Variants in ARAP3 observed in about 807,000 individuals in gnomAD.
ARAP3 encodes the protein ArfGAP with RhoGAP domain, ankyrin repeat and PH domain 3.
In ARAP3, 82 loss-of-function variants were observed where a neutral mutation model predicts 169.2. The ratio of observed to expected loss-of-function variants is 0.48; its 90% CI spans 0.41 to 0.58. The LOEUF is 0.58. ARAP3 is among the 20% of genes least tolerant of loss of function. ARAP3 has a pLI of 0.00. For synonymous variants in ARAP3, 791 were observed against 800.3 expected (o/e 0.99, Z 0.20); for missense variants, 1,764 against 2,018.0 (o/e 0.87, Z 2.41).
chr5:141,670,513 A>C lies in ARAP3; in HGVS notation c.2106T>G (p.Asp702Glu), dbSNP rs1157144742. The change falls in exon 14 of 33, where the codon GAT becomes GAG. Residue 702 changes from aspartate (D) to glutamate (E), a missense_variant and splice_region_variant. Transcript: ENST00000239440. ...AGPSPPRRGR[D>E]APPRLWCVLG... is the part of the protein sequence containing the mutation. ...TCCCATCCCTTGGCTCCCCCTCACCATCCCGGCCCCTGCGAGGGGGTGAGG... is the reference window on the plus strand; with the variant it reads ...TCCCATCCCTTGGCTCCCCCTCACCCTCCCGGCCCCTGCGAGGGGGTGAGG... 7 of 1,613,240 alleles carry C rather than the reference A, an allele frequency of 4.3e-6. No individual in the cohort carries two copies. In the South Asian group the frequency reaches 6.6e-5, roughly 15 times the overall value.
At chr5:141,659,701 G>A in intron 22 of ARAP3, 78 bp downstream of exon 22, 1 of 1,550,476 alleles carries the variant, frequency 6.4e-7, no homozygotes, top group South Asian at 1.2e-5. Flanking sequence ...GCTTGTTGGG[G>A]TGATCAGGAT....
chr5:141,676,061 A>G (rs531784159), intron 4 of ARAP3, among the ~76,000 whole-genome samples: 7 of 152,264 alleles, frequency 4.6e-5, no homozygotes, highest in African/African-American at 1.4e-4. Flanking sequence ...CATTGCATCC[A>G]ATAAAAAACT....
intron 24 of ARAP3, 21 bp downstream of exon 24, chr5:141,658,558 T>G (rs2099909526): frequency 6.2e-7 from 1 of 1,613,818 alleles, no homozygotes; most frequent in South Asian, 1.1e-5. Context: ...TTATTTCCCC[T>G]CCAGTCCCCT....
intron 32 of ARAP3, 78 bp from the exon 33 acceptor site, chr5:141,654,513 C>T: frequency 9.3e-6 from 14 of 1,499,402 alleles, no homozygotes; most frequent in Non-Finnish European, 1.2e-5. Flanking sequence ...TTACTGAGCT[C>T]TTCCTCTGGG....
Position 141,670,047 on chromosome 5 carries a change from C to T in ARAP3, c.2124G>A (p.Trp708Ter). 1 of 1,595,764 alleles carries T rather than the reference C, an allele frequency of 6.3e-7. No individual in the cohort carries two copies. Among genetic ancestry groups the T allele is most frequent in the Non-Finnish European group, 8.5e-7 (1 of 1,175,512 alleles). Reference sequence around the variant, plus strand: ...TTTCCAGAGCTGCTCCCAGCACACACCAAAGGCGCGGGGGAGCTAAGGCAG... The same window carrying T: ...TTTCCAGAGCTGCTCCCAGCACACATCAAAGGCGCGGGGGAGCTAAGGCAG... The part of the protein sequence containing the change: ...RRGRDAPPRL[W>*]CVLGAALEMF... The change falls in exon 15 of 33, where the codon TGG becomes TGA. Residue 708 changes from tryptophan (W) to a stop codon, truncating the protein, a stop_gained. Transcript: ENST00000239440. LOFTEE classifies it high-confidence loss of function.
Position 141,680,401 on chromosome 5 carries a change from C to G in ARAP3, c.86G>C (p.Gly29Ala). ...CCGGGCTGCACCTGCTGTAGCCAGG[C>G]CATGCCGTCGGAACGTGTCTGCATA... ...EQYADTFRRH[G>A]LATAGAARGL... The change falls in exon 2 of 33, where the codon GGC becomes GCC. Residue 29 changes from glycine to alanine, a missense_variant. By Grantham distance (60) the Gly-to-Ala change is moderately conservative (BLOSUM62 0). Around this residue, in one of 3 missense-constraint regions of ARAP3, gnomAD observed 630 missense variants for 678.7 expected, o/e 0.93. Coordinates refer to ENST00000239440, the MANE Select transcript of ARAP3 (RefSeq NM_022481.6). The G allele has an allele frequency of 6.2e-7, 1 of 1,613,986 alleles. No homozygotes were observed. Among genetic ancestry groups the G allele is most frequent in the Non-Finnish European group, 8.5e-7 (1 of 1,180,046 alleles).
Position 141,660,289 on chromosome 5 carries a change from G to A in ARAP3, c.3120-363C>T, listed in dbSNP as rs1472335315. On this transcript the variant is annotated intron_variant, in intron 21 of 32. Transcript: ENST00000239440. Reference sequence around the variant, plus strand: ...AGGCGGATCACGAGGTCAGGAGATCGAGACCATCCTGGCTAACACGGTGAA... The same window carrying A: ...AGGCGGATCACGAGGTCAGGAGATCAAGACCATCCTGGCTAACACGGTGAA... 7.2e-5 allele frequency among the ~76,000 whole-genome samples: 11 copies of A among 152,068 alleles called. No individual in the cohort carries two copies. The East Asian group carries it at 9.7e-4, about 13-fold the overall frequency.
chr5:141,672,191 C>G lies in ARAP3; in HGVS notation c.1496G>C (p.Arg499Pro), dbSNP rs141117484. 42 of 1,614,184 alleles carry G rather than the reference C, an allele frequency of 2.6e-5. No individual in the cohort carries two copies. The highest frequency in any genetic ancestry group is 3.4e-5 in the Non-Finnish European group (40 of 1,180,018). ...YEVAEKIWSN[R>P]ANRQCADCGS... Reference sequence around the variant, plus strand: ...ACAGTCCGCACACTGCCGGTTGGCCCGATTAGACCAGATCTTCTCAGCCAC... The same window carrying G: ...ACAGTCCGCACACTGCCGGTTGGCCGGATTAGACCAGATCTTCTCAGCCAC... The change falls in exon 10 of 33, where the codon CGG becomes CCG. Residue 499 changes from arginine to proline, a missense_variant. Coordinates refer to ENST00000239440, the MANE Select transcript of ARAP3 (RefSeq NM_022481.6). This position sits in a 1 kb window ranked among gnomAD's most constrained non-coding sequence, Gnocchi z 4.9.
Position 141,655,377 on chromosome 5 carries a change from G to C in ARAP3, c.4134C>G (p.Thr1378=). The change falls in exon 32 of 33, where the codon ACC becomes ACG. Residue 1378 remains threonine (T), a synonymous_variant. Transcript: ENST00000239440. ...QTLRRLHNRR[T]LSMFFPMKSS... The stretch of plus-strand genomic sequence containing the variant: ...CAATACTCACAAAGAACATGGACAG[G>C]GTCCTCCGGTTGTGTAGTCGCCGCT... 6.3e-7 allele frequency: 1 copy of C among 1,583,584 alleles called. No individual in the cohort carries two copies. Among genetic ancestry groups the C allele is most frequent in the Non-Finnish European group, 8.6e-7 (1 of 1,164,460 alleles).
intron 29 of ARAP3, 22 bp from the exon 30 acceptor site, chr5:141,655,954 C>CA: frequency 1.2e-6 from 2 of 1,613,858 alleles, no homozygotes; most frequent in South Asian, 1.1e-5. Context: ...AGAATGGAAT[C>CA]AGAGGGAGAG....
In ARAP3 at chr5:141,673,145, G is replaced by A. The variant is rs758894863; in HGVS notation, c.973-12C>T. ...TTAGGGAAGGGGTCCTGGAGAGAGA[G>A]AGCTCAATGACCCATGAGGACAGGA... On this transcript the variant is annotated splice_polypyrimidine_tract_variant and intron_variant, in intron 6 of 32. Coordinates refer to ENST00000239440, the MANE Select transcript of ARAP3 (RefSeq NM_022481.6). 2 of 1,614,124 alleles carry A rather than the reference G, an allele frequency of 1.2e-6. No individual in the cohort carries two copies. The highest frequency in any genetic ancestry group is 1.1e-5 in the South Asian group (1 of 91,084).
At chr5:141,664,395 AAAC>A (rs1026551128) in intron 19 of ARAP3, among the ~76,000 whole-genome samples, 2 of 152,114 alleles carry the variant, frequency 1.3e-5, no homozygotes, top group Admixed American at 6.5e-5. Context: ...AAAAAAAAGC[AAAC>A]AACAACAACC....
intron 22 of ARAP3, 100 bp from the exon 23 acceptor site, chr5:141,659,576 A>G: frequency 7.1e-7 from 1 of 1,406,010 alleles, no homozygotes. Context: ...TGGAGGCCAG[A>G]AGAGCTAAGA....
At chr5:141,659,598 G>T in intron 22 of ARAP3, 122 bp from the exon 23 acceptor site, 2 of 1,317,698 alleles carry the variant, frequency 1.5e-6, no homozygotes, top group Non-Finnish European at 2.2e-6. Context: ...CCAAGGGGGT[G>T]AGGATGTTGG....
intron 17 of ARAP3, 69 bp from the exon 18 acceptor site, chr5:141,665,443 G>A: frequency 1.3e-6 from 2 of 1,524,240 alleles, no homozygotes; most frequent in Non-Finnish European, 1.8e-6. Flanking sequence ...TTTATTAAAT[G>A]CTTAACGTGC....
At chr5:141,674,357 A>G (rs997398962) in intron 4 of ARAP3, among the ~76,000 whole-genome samples, 1 of 152,102 alleles carries the variant, frequency 6.6e-6, no homozygotes, top group African/African-American at 2.4e-5. Flanking sequence ...TTCTGGGCTC[A>G]AGGGATCCTC....
Position 141,680,504 on chromosome 5 carries a change from C to A in ARAP3, c.-17-1G>T. 1 of 1,572,642 alleles carries A rather than the reference C, an allele frequency of 6.4e-7. No homozygotes were observed. ...GCAGCCATGGGGGCTCAGGCCATTGCTGGGGGGAGGGGCAGGGTGAAGGGA... is the reference window on the plus strand; with the variant it reads ...GCAGCCATGGGGGCTCAGGCCATTGATGGGGGGAGGGGCAGGGTGAAGGGA... On this transcript the variant is annotated splice_acceptor_variant, in intron 1 of 32. Coordinates refer to ENST00000239440, the MANE Select transcript of ARAP3 (RefSeq NM_022481.6). LOFTEE classifies it low-confidence loss of function (5UTR_SPLICE).
chr5:141,666,748 T>TG (rs2099910704), intron 16 of ARAP3, 105 bp from the exon 17 acceptor site: 2 of 517,966 alleles, frequency 3.9e-6, no homozygotes, highest in Non-Finnish European at 6.1e-6. Flanking sequence ...GAGAAAAACA[T>TG]GAAGAGAAAG....
chr5:141,655,290 C>T, intron 32 of ARAP3, 72 bp downstream of exon 32: 1 of 1,527,566 alleles, frequency 6.5e-7, no homozygotes, highest in Non-Finnish European at 8.9e-7. Flanking sequence ...GAAAACAGCA[C>T]ACCCGGGGCT....
Sources: gnomAD v4.1 joint callset for allele counts (sites outside exome capture counted in the v4.1 genomes callset) on GRCh38, gnomAD v4.1.1 for gene constraint, gnomAD v4.1.1 regional missense constraint, Gnocchi (gnomAD v3.1) non-coding constraint, MANE v1.5 for transcripts, NCBI Gene and HGNC (gene_info 2026-07-23, HGNC 2026-07-21) for gene names.